The following SLC8A3 variants were observed in gnomAD, a reference collection of about 807,000 sequenced individuals.
The protein encoded by SLC8A3 is solute carrier family 8 member A3, also known as sodium/calcium exchanger 3.
A neutral mutation model predicts 65.4 loss-of-function variants in SLC8A3; 37 were observed. The observed-to-expected ratio is 0.57, with a 90% CI of 0.44 to 0.74. The LOEUF is 0.74. Ranked by LOEUF, SLC8A3 falls within the 30% of genes least tolerant of loss-of-function variation. SLC8A3 has a pLI of 0.00. For missense variants in SLC8A3, 1,112 were observed against 1,172.1 expected (o/e 0.95, Z 0.75); for synonymous variants, 461 against 444.5 (o/e 1.04, Z -0.47).
At chr14:70,149,741 C>T (rs1157942407) in intron 2 of SLC8A3, among the ~76,000 whole-genome samples, 1 of 152,196 alleles carries the variant, frequency 6.6e-6, no homozygotes, top group Non-Finnish European at 1.5e-5. Flanking sequence ...AGACTTTGCC[C>T]ATCCTCCTCC....
At chr14:70,117,642 G>T (rs1893757108) in intron 2 of SLC8A3, among the ~76,000 whole-genome samples, 1 of 152,046 alleles carries the variant, frequency 6.6e-6, no homozygotes, top group South Asian at 2.1e-4. Flanking sequence ...CTGGGGCATT[G>T]CTGTCTCTAG....
At chr14:70,092,698 T>G (rs1445657514) in intron 2 of SLC8A3, among the ~76,000 whole-genome samples, 1 of 152,166 alleles carries the variant, frequency 6.6e-6, no homozygotes, top group African/African-American at 2.4e-5. Context: ...GTGCTGCTGG[T>G]AGTAATGTCT....
intron 2 of SLC8A3, among the ~76,000 whole-genome samples, chr14:70,145,185 C>A (rs544085880): frequency 6.6e-6 from 1 of 152,166 alleles, no homozygotes; most frequent in African/African-American, 2.4e-5. Context: ...TTGGATTAAA[C>A]CCTCTTTCAA....
chr14:70,121,941 A>C (rs1339720495), intron 2 of SLC8A3, among the ~76,000 whole-genome samples: 1 of 152,126 alleles, frequency 6.6e-6, no homozygotes, highest in Non-Finnish European at 1.5e-5. Flanking sequence ...TTCATAGCTC[A>C]GCTGGCAAGA....
chr14:70,137,873 C>T (rs1461693473), intron 2 of SLC8A3, among the ~76,000 whole-genome samples: 1 of 150,024 alleles, frequency 6.7e-6, no homozygotes, highest in Non-Finnish European at 1.5e-5. Flanking sequence ...CAATTCACCT[C>T]CTTAGGGGAG....
chr14:70,134,674 T>G (rs1279383764), intron 2 of SLC8A3, among the ~76,000 whole-genome samples: 1 of 152,206 alleles, frequency 6.6e-6, no homozygotes, highest in Non-Finnish European at 1.5e-5. Context: ...TAGCATTTTC[T>G]TAGTCCTTTA....
intron 2 of SLC8A3, among the ~76,000 whole-genome samples, chr14:70,145,130 T>A (rs1054892000): frequency 3.9e-5 from 6 of 152,238 alleles, no homozygotes; most frequent in Admixed American, 2.0e-4. Flanking sequence ...TGAAAAAGCA[T>A]AATTCTTATT....
intron 5 of SLC8A3, among the ~76,000 whole-genome samples, chr14:70,049,581 G>A (rs1261011308): frequency 1.3e-5 from 2 of 151,802 alleles, no homozygotes; most frequent in African/African-American, 2.4e-5. Flanking sequence ...GTATACCTAT[G>A]TAACAAAACT....
intron 2 of SLC8A3, among the ~76,000 whole-genome samples, chr14:70,078,583 A>G (rs1890748080): frequency 6.6e-6 from 1 of 152,164 alleles, no homozygotes; most frequent in African/African-American, 2.4e-5. Flanking sequence ...ATTCACAGGC[A>G]CTTCCCACTG....
chr14:70,165,967 C>T (rs1005175218), intron 2 of SLC8A3, among the ~76,000 whole-genome samples: 6 of 152,228 alleles, frequency 3.9e-5, no homozygotes, highest in Admixed American at 6.5e-5. Context: ...CTCTGCTTCT[C>T]CAAGATACTT....
intron 2 of SLC8A3, among the ~76,000 whole-genome samples, chr14:70,109,463 AT>A (rs1893128645): frequency 6.6e-6 from 1 of 151,156 alleles, no homozygotes; most frequent in African/African-American, 2.4e-5. Flanking sequence ...GTATATATAT[AT>A]ATATATATAA....
intron 2 of SLC8A3, among the ~76,000 whole-genome samples, chr14:70,102,887 A>T (rs539769261): frequency 1.7e-4 from 26 of 152,204 alleles, no homozygotes; most frequent in African/African-American, 6.3e-4. Context: ...AAGAAAAATT[A>T]TATAATAATT....
chr14:70,123,214 C>T (rs2140191039), intron 2 of SLC8A3, among the ~76,000 whole-genome samples: 1 of 151,728 alleles, frequency 6.6e-6, no homozygotes, highest in African/African-American at 2.4e-5. Flanking sequence ...CATTGCACTC[C>T]ACCCTGGGTG....
At chr14:70,175,262 G>A (rs1897829380) in intron 1 of SLC8A3, among the ~76,000 whole-genome samples, 1 of 152,096 alleles carries the variant, frequency 6.6e-6, no homozygotes, top group South Asian at 2.1e-4. Flanking sequence ...ACTACTCTAG[G>A]CACTTTTATA....
At position 70,051,040 on chromosome 14, in the gene SLC8A3, T is replaced by C. The variant is rs1887442015; in HGVS notation, c.2081A>G (p.Asp694Gly). Residue 694 changes from aspartate to glycine, a missense_variant, in exon 5 of 7, where the codon GAC becomes GGC. By Grantham distance (94) the Asp-to-Gly change is moderately conservative (BLOSUM62 -1). Transcript: ENST00000356921. ...ALVVGTHSWR[D>G]QFMEAITVSA... ...GACGGTGATGGCCTCCATGAACTGG[T>C]CCCTCCAGGAATGGGTCCCCACAAC... The C allele has an allele frequency of 1.2e-6, 2 of 1,613,262 alleles. No individual in the cohort carries two copies. The highest frequency in any genetic ancestry group is 2.7e-5 in the African/African-American group (2 of 74,870).
chr14:70,167,270 C>T lies in SLC8A3; in HGVS notation c.1153G>A (p.Glu385Lys), dbSNP rs1438650441. The part of the protein sequence containing the change: ...EQAKKASSMS[E>K]VHTDEPEDFI... ...TCCTCAGGCTCATCGGTGTGCACCT[C>T]GCTCATGCTGGAGGCCTTCTTGGCT... The change falls in exon 2 of 7, where the codon GAG (glutamate) becomes AAG (lysine). Residue 385 changes from glutamate (E) to lysine (K), a missense_variant. Glu to Lys is a moderately conservative substitution (Grantham distance 56, BLOSUM62 1). Transcript: ENST00000356921. The T allele has an allele frequency of 1.3e-5, 21 of 1,614,090 alleles. No individual in the cohort carries two copies. Among genetic ancestry groups the T allele is most frequent in the East Asian group, 1.1e-4 (5 of 44,904 alleles).
At chr14:70,165,611 T>C (rs942243510) in intron 2 of SLC8A3, among the ~76,000 whole-genome samples, 2 of 152,236 alleles carry the variant, frequency 1.3e-5, no homozygotes, top group Admixed American at 6.5e-5. Flanking sequence ...CCCAAGAAAG[T>C]CTACTTTCTC....
At chr14:70,096,434 C>T (rs1421450471) in intron 2 of SLC8A3, among the ~76,000 whole-genome samples, 1 of 152,090 alleles carries the variant, frequency 6.6e-6, no homozygotes, top group Non-Finnish European at 1.5e-5. Context: ...GGACAGGTGG[C>T]CCCTGCTTTA....
At chr14:70,070,549 G>A (rs1889916530) in intron 2 of SLC8A3, among the ~76,000 whole-genome samples, 2 of 152,320 alleles carry the variant, frequency 1.3e-5, no homozygotes, top group East Asian at 1.9e-4. Flanking sequence ...GTCTCCTGGA[G>A]GAAATGCTAC....
Sources: gnomAD v4.1 joint callset for allele counts (sites outside exome capture counted in the v4.1 genomes callset) on GRCh38, gnomAD v4.1.1 for gene constraint, MANE v1.5 for transcripts, NCBI Gene and HGNC (gene_info 2026-07-23, HGNC 2026-07-21) for gene names.